The following GSTT4 variants were observed in gnomAD, a reference collection of about 807,000 sequenced individuals.
GSTT4 encodes the protein glutathione S-transferase theta 4, also known as glutathione S-transferase theta-4.
chr22:23,994,397 TAAAG>T (rs977580074), downstream of GSTT4, among the ~76,000 whole-genome samples: 10 of 151,982 alleles, frequency 6.6e-5, no homozygotes, highest in African/African-American at 2.4e-4. Context: ...CTGTACCCAA[TAAAG>T]AGTCACTCCC....
At chr22:24,000,645 A>C (rs2034209508) in intron 3 of GSTT4, among the ~76,000 whole-genome samples, 1 of 144,572 alleles carries the variant, frequency 6.9e-6, no homozygotes, top group African/African-American at 2.9e-5. Flanking sequence ...TGCCAACTCC[A>C]ACTCCTGGGT....
At chr22:23,992,946 T>C in the GSTT4 span, among the ~76,000 whole-genome samples, 1 of 152,110 alleles carries the variant, frequency 6.6e-6, no homozygotes, top group African/African-American at 2.4e-5. Context: ...GGCTAATTTT[T>C]TGACTTTGTA....
At chr22:24,002,983 C>T (rs1350431638) in intron 2 of GSTT4, among the ~76,000 whole-genome samples, 11 of 152,270 alleles carry the variant, frequency 7.2e-5, no homozygotes, top group South Asian at 4.1e-4. Flanking sequence ...TTAATGGTAT[C>T]GTAGTGATGC....
downstream of GSTT4, among the ~76,000 whole-genome samples, chr22:23,997,308 T>C (rs2034125807): frequency 6.6e-6 from 1 of 152,000 alleles, no homozygotes; most frequent in Non-Finnish European, 1.5e-5. Context: ...CCTTGAACTC[T>C]TGGACTCGAG....
chr22:23,998,891 T>G (rs974329990), intron 4 of GSTT4, among the ~76,000 whole-genome samples, 152 bp from the exon 5 acceptor site: 9 of 152,228 alleles, frequency 5.9e-5, no homozygotes, highest in African/African-American at 1.7e-4. Context: ...TCACAGACTA[T>G]GTAATAGATG....
At chr22:24,002,550 G>T (rs376966053) in intron 2 of GSTT4, among the ~76,000 whole-genome samples, 2 of 152,310 alleles carry the variant, frequency 1.3e-5, no homozygotes, top group East Asian at 1.9e-4. Context: ...GAACTTCTTG[G>T]CTGGGCACGG....
chr22:24,004,423 C>A (rs28674083), intron 1 of GSTT4: 1 of 152,594 alleles, frequency 6.6e-6, no homozygotes. Flanking sequence ...TCCACAGCTT[C>A]CCTGTCTCTT....
Position 23,998,713 on chromosome 22 carries a change from G to A in GSTT4, c.555C>T (p.Phe185=), listed in dbSNP as rs1278734047. The A allele has an allele frequency of 6.5e-6, 1 of 154,738 alleles. No individual in the cohort carries two copies. The highest frequency in any genetic ancestry group is 2.4e-5 in the African/African-American group (1 of 41,502). The allele number at this position is 154,738 out of a possible 1,614,324, so 9.6% of individuals were successfully genotyped here. A position where few individuals can be genotyped will look rare whatever the true frequency, so the allele number is the denominator to read the frequency against. ...MQPMAANYNV[F]LNSSKLAEWR... ...ACTCAGCTAGCTTGGAGCTGTTGAG[G>A]AAGACATTATAGTTGGCTGCCATGG... Residue 185 remains phenylalanine (F), a synonymous_variant, in exon 5 of 5, where the codon TTC becomes TTT. Coordinates refer to ENST00000621179, the MANE Select transcript of GSTT4 (RefSeq NM_001358664.2).
chr22:24,002,119 C>A (rs1039346222), intron 2 of GSTT4, among the ~76,000 whole-genome samples: 1 of 152,254 alleles, frequency 6.6e-6, no homozygotes, highest in African/African-American at 2.4e-5. Flanking sequence ...ATGAGGCAGC[C>A]AGAGACACTG....
chr22:23,992,823 G>A, the GSTT4 span, among the ~76,000 whole-genome samples: 4 of 151,400 alleles, frequency 2.6e-5, no homozygotes, highest in African/African-American at 7.3e-5. Flanking sequence ...GCCCAGGCTG[G>A]AATGAGTGCA....
downstream of GSTT4, among the ~76,000 whole-genome samples, chr22:23,997,171 T>G (rs1485314682): frequency 5.3e-5 from 8 of 152,024 alleles, no homozygotes; most frequent in East Asian, 1.5e-3. Context: ...ACCAATGTGA[T>G]GTCTCCATTT....
chr22:23,992,002 G>C, the GSTT4 span, among the ~76,000 whole-genome samples: 1 of 135,262 alleles, frequency 7.4e-6, no homozygotes, highest in Admixed American at 8.5e-5. Context: ...GCAGTGAGCC[G>C]AGCTCACGCC....
the GSTT4 span, among the ~76,000 whole-genome samples, chr22:23,991,863 G>A: frequency 7.7e-6 from 1 of 129,460 alleles, no homozygotes; most frequent in Non-Finnish European, 1.7e-5. Flanking sequence ...GACCATACTG[G>A]CTAAAACGGT....
At position 23,998,502 on chromosome 22, in the gene GSTT4, CT is replaced by C; in HGVS notation, c.*39del. The C allele has an allele frequency of 3.1e-5, 1 of 31,996 alleles. No individual in the cohort carries two copies. Among genetic ancestry groups the C allele is most frequent in the Non-Finnish European group, 8.1e-5 (1 of 12,282 alleles). The allele number at this position is 31,996 out of a possible 1,614,324, so 2.0% of individuals were successfully genotyped here. Reference sequence around the variant, plus strand: ...CCTTTAAGGAAGGTGGCTCAGATTGCTAAGCCAGCCAGGCCCTGCGGGACAG... The same window carrying C: ...CCTTTAAGGAAGGTGGCTCAGATTGCAAGCCAGCCAGGCCCTGCGGGACAG... On this transcript the variant is annotated 3_prime_UTR_variant, in exon 5 of 5. Transcript: ENST00000621179.
chr22:23,993,441 C>G (rs1473549786), downstream of GSTT4, among the ~76,000 whole-genome samples: 9 of 152,320 alleles, frequency 5.9e-5, no homozygotes, highest in East Asian at 1.7e-3. Flanking sequence ...AGGCTCCCAC[C>G]CCCAAACCCA....
chr22:23,991,881 G>A, the GSTT4 span, among the ~76,000 whole-genome samples: 6 of 129,688 alleles, frequency 4.6e-5, no homozygotes, highest in African/African-American at 1.6e-4. Context: ...GGTGAAACCC[G>A]TCTCTACTAA....
chr22:23,993,277 G>C, the GSTT4 span, among the ~76,000 whole-genome samples: 1 of 152,146 alleles, frequency 6.6e-6, no homozygotes, highest in Non-Finnish European at 1.5e-5. Flanking sequence ...TGCCCAGGCT[G>C]GTCTCAAAGT....
the GSTT4 span, among the ~76,000 whole-genome samples, chr22:23,989,610 A>G: frequency 1.3e-5 from 2 of 149,340 alleles, no homozygotes; most frequent in African/African-American, 4.9e-5. Context: ...CCAGAGTCCC[A>G]GCCAAACATG....
chr22:23,996,686 C>A (rs1461347736), downstream of GSTT4, among the ~76,000 whole-genome samples: 1 of 152,186 alleles, frequency 6.6e-6, no homozygotes, highest in African/African-American at 2.4e-5. Flanking sequence ...TAAATCCTAC[C>A]TGGTCAAGGT....
Sources: allele counts gnomAD v4.1 joint callset (sites outside exome capture counted in the v4.1 genomes callset), GRCh38; gene constraint gnomAD v4.1.1; transcripts MANE v1.5; gene names NCBI Gene and HGNC (gene_info 2026-07-23, HGNC 2026-07-21).